Variants in SCHIP1 observed in about 807,000 individuals in gnomAD.
SCHIP1 encodes schwannomin interacting protein 1.
A neutral mutation model predicts 29.7 loss-of-function variants in SCHIP1; 8 were observed. The ratio of observed to expected loss-of-function variants is 0.27; its 90% confidence interval spans 0.16 to 0.49. SCHIP1 has a LOEUF of 0.49. Among genes scored for constraint, SCHIP1 ranks in the 20% least tolerant of loss-of-function variants. The pLI, the probability that SCHIP1 is intolerant of heterozygous loss-of-function variation, is 0.99. For synonymous variants in SCHIP1, 76 were observed against 94.9 expected, an observed-to-expected ratio of 0.80 and a Z score of 1.16; for missense variants, 193 against 294.6, an observed-to-expected ratio of 0.66 and a Z score of 2.52.
chr3:159,330,071 T>C, the SCHIP1 span, among the ~76,000 whole-genome samples: 3 of 152,208 alleles, frequency 2.0e-5, no homozygotes, highest in South Asian at 2.1e-4. Flanking sequence ...AGAAGGACAC[T>C]AGGAGGTGAA....
the SCHIP1 span, among the ~76,000 whole-genome samples, chr3:159,426,762 G>T: frequency 6.6e-6 from 1 of 152,202 alleles, no homozygotes; most frequent in African/African-American, 2.4e-5. Context: ...TATCCTTGAT[G>T]AACATTGATG....
At chr3:159,344,190 G>T in the SCHIP1 span, among the ~76,000 whole-genome samples, 3 of 151,942 alleles carry the variant, frequency 2.0e-5, no homozygotes, top group Non-Finnish European at 2.9e-5. Context: ...GCATGATGGC[G>T]CATGCTTGTA....
At chr3:159,338,039 C>T in the SCHIP1 span, among the ~76,000 whole-genome samples, 1 of 152,164 alleles carries the variant, frequency 6.6e-6, no homozygotes, top group Admixed American at 6.6e-5. Flanking sequence ...TCCTTCCTTT[C>T]TAGAAATCTT....
At chr3:159,626,141 T>TCG in the SCHIP1 span, among the ~76,000 whole-genome samples, 249 of 95,612 alleles carry the variant, frequency 2.6e-3, 3 homozygotes, top group Non-Finnish European at 2.6e-3. Context: ...TAGATAGATA[T>TCG]ATCTAGATAT....
At chr3:159,389,484 A>G in the SCHIP1 span, among the ~76,000 whole-genome samples, 5 of 151,978 alleles carry the variant, frequency 3.3e-5, no homozygotes, top group African/African-American at 9.7e-5. Flanking sequence ...CTGCTTGGTC[A>G]CTCTTTAAAA....
the SCHIP1 span, among the ~76,000 whole-genome samples, chr3:159,627,600 C>A: frequency 3.3e-5 from 5 of 152,204 alleles, no homozygotes; most frequent in African/African-American, 1.2e-4. Flanking sequence ...CTGGCATATT[C>A]TTCCCAGTAA....
the SCHIP1 span, among the ~76,000 whole-genome samples, chr3:159,571,298 C>T: frequency 5.0e-3 from 760 of 152,172 alleles, 5 homozygotes; most frequent in African/African-American, 0.017. Context: ...TTTTGAGATA[C>T]GTCCCATCAA....
At chr3:159,372,157 A>T in the SCHIP1 span, among the ~76,000 whole-genome samples, 1 of 152,272 alleles carries the variant, frequency 6.6e-6, no homozygotes, top group African/African-American at 2.4e-5. Context: ...TTTTTCAGTA[A>T]TTAAAAGCTG....
the SCHIP1 span, among the ~76,000 whole-genome samples, chr3:159,553,104 T>G: frequency 6.6e-6 from 1 of 152,110 alleles, no homozygotes; most frequent in Non-Finnish European, 1.5e-5. Context: ...ACCAAATAAT[T>G]TTCCTTTCTA....
chr3:159,729,336 T>C, the SCHIP1 span, among the ~76,000 whole-genome samples: 2 of 152,194 alleles, frequency 1.3e-5, no homozygotes, highest in South Asian at 4.1e-4. Flanking sequence ...TTGTTTAACA[T>C]ATGTAACTAA....
At chr3:159,428,087 A>C in the SCHIP1 span, among the ~76,000 whole-genome samples, 82,866 of 148,674 alleles carry the variant, frequency 0.56, 23,695 homozygotes, top group East Asian at 0.74. Flanking sequence ...AAAACCATAA[A>C]AACCCTAGAA....
chr3:159,303,771 C>T, the SCHIP1 span, among the ~76,000 whole-genome samples: 1 of 152,140 alleles, frequency 6.6e-6, no homozygotes, highest in South Asian at 2.1e-4. Flanking sequence ...AATAACATAG[C>T]CATATTATAA....
the SCHIP1 span, among the ~76,000 whole-genome samples, chr3:159,512,208 C>A: frequency 1.3e-5 from 2 of 152,048 alleles, no homozygotes; most frequent in African/African-American, 4.8e-5. Flanking sequence ...GGGGAAATGA[C>A]AAGAATAGAA....
At chr3:159,599,095 A>T in the SCHIP1 span, among the ~76,000 whole-genome samples, 4 of 152,130 alleles carry the variant, frequency 2.6e-5, no homozygotes, top group African/African-American at 9.7e-5. Context: ...TTCAGTCTAT[A>T]GGTGACTTTA....
chr3:159,489,217 A>G, the SCHIP1 span, among the ~76,000 whole-genome samples: 6 of 152,112 alleles, frequency 3.9e-5, no homozygotes, highest in Non-Finnish European at 8.8e-5. Flanking sequence ...TTGATTAGTA[A>G]AATATTTGCC....
At chr3:159,730,776 T>C in the SCHIP1 span, among the ~76,000 whole-genome samples, 18 of 152,204 alleles carry the variant, frequency 1.2e-4, no homozygotes, top group Admixed American at 6.5e-4. Flanking sequence ...GAGCTCCCCT[T>C]TCCCTCTCTT....
chr3:159,519,119 C>A, the SCHIP1 span, among the ~76,000 whole-genome samples: 1 of 152,016 alleles, frequency 6.6e-6, no homozygotes, highest in South Asian at 2.1e-4. Context: ...CAGAGGTGGT[C>A]CAAGTTTAAA....
At chr3:159,680,640 TATATA>T in the SCHIP1 span, among the ~76,000 whole-genome samples, 11 of 76,536 alleles carry the variant, frequency 1.4e-4, no homozygotes, top group African/African-American at 2.6e-4. Flanking sequence ...TTTTATATAT[TATATA>T]ATATATGTAT....
the SCHIP1 span, among the ~76,000 whole-genome samples, chr3:159,345,593 A>G: frequency 6.7e-6 from 1 of 148,456 alleles, no homozygotes; most frequent in Non-Finnish European, 1.5e-5. Context: ...TCACTCATTC[A>G]CTCACACCCT....
Sources: gnomAD v4.1 joint callset for allele counts (sites outside exome capture counted in the v4.1 genomes callset) on GRCh38, gnomAD v4.1.1 for gene constraint, MANE v1.5 for transcripts, NCBI Gene and HGNC (gene_info 2026-07-23, HGNC 2026-07-21) for gene names.